Variants in HTR2C observed in about 807,000 individuals in gnomAD.
HTR2C encodes the protein 5-hydroxytryptamine (serotonin) receptor 2C, G protein-coupled.
Under a neutral mutation model 21.0 loss-of-function variants are expected in HTR2C, and 5 were observed. That is an observed-to-expected ratio of 0.24 (90% CI 0.12 to 0.50). The LOEUF is 0.50. HTR2C is among the 20% of genes least tolerant of loss of function. The probability of loss-of-function intolerance (pLI) is 0.98; values close to 1 mark genes in which losing one functional copy is unlikely to be tolerated. For synonymous variants in HTR2C, 150 were observed against 145.3 expected (o/e 1.03, Z -0.23); for missense variants, 271 against 371.2 (o/e 0.73, Z 2.22).
chrX:114,597,546 G>C (rs1927914699), intron 1 of HTR2C, among the ~76,000 whole-genome samples: 1 of 112,034 alleles, frequency 8.9e-6, no homozygotes, highest in South Asian at 3.7e-4. Flanking sequence ...AGGACAAGTA[G>C]GGTTTGAATT....
At chrX:114,822,427 A>G (rs782408341) in intron 4 of HTR2C, among the ~76,000 whole-genome samples, 1 of 112,210 alleles carries the variant, frequency 8.9e-6, no homozygotes, top group Non-Finnish European at 1.9e-5. Flanking sequence ...AGAAGTCCTC[A>G]TTATTATATT....
At chrX:114,748,215 G>A (rs1299250575) in intron 4 of HTR2C, among the ~76,000 whole-genome samples, 5 of 111,618 alleles carry the variant, frequency 4.5e-5, no homozygotes, top group African/African-American at 1.6e-4. Context: ...CAAATTATGT[G>A]CAGGAGCTGT....
At chrX:114,723,699 G>A (rs1387665448) in intron 2 of HTR2C, among the ~76,000 whole-genome samples, 11 of 110,814 alleles carry the variant, frequency 9.9e-5, no homozygotes, top group African/African-American at 3.3e-4. Context: ...GCGTCCCAGA[G>A]ATTCTGGTAT....
At chrX:114,745,184 A>G (rs2069690390) in intron 4 of HTR2C, among the ~76,000 whole-genome samples, 1 of 112,570 alleles carries the variant, frequency 8.9e-6, no homozygotes, top group African/African-American at 3.2e-5. Flanking sequence ...TTAAACAGGC[A>G]TATGAGAAGG....
intron 1 of HTR2C, among the ~76,000 whole-genome samples, chrX:114,588,116 G>A (rs138146992): frequency 2.8e-3 from 314 of 112,044 alleles, no homozygotes; most frequent in African/African-American, 9.7e-3. Context: ...AAATAGTTGC[G>A]TATTATAGCA....
At chrX:114,790,833 T>C (rs1194787249) in intron 4 of HTR2C, among the ~76,000 whole-genome samples, 2 of 111,859 alleles carry the variant, frequency 1.8e-5, no homozygotes, top group Non-Finnish European at 3.8e-5. Context: ...TTCTTCTTAT[T>C]CACAAGTTTT....
intron 2 of HTR2C, 142 bp downstream of exon 2, chrX:114,614,023 T>C (rs2147805763): frequency 9.0e-6 from 1 of 110,837 alleles, no homozygotes; most frequent in African/African-American, 3.3e-5. Context: ...CCTAACATGT[T>C]TGAAAAAGAA....
chrX:114,621,604 G>T (rs1393793359), intron 2 of HTR2C, among the ~76,000 whole-genome samples: 2 of 111,963 alleles, frequency 1.8e-5, no homozygotes, highest in Admixed American at 9.6e-5. Context: ...GGCTGGAGGG[G>T]AGGTAGAGTG....
At chrX:114,686,697 T>G (rs782118460) in intron 2 of HTR2C, among the ~76,000 whole-genome samples, 1 of 110,367 alleles carries the variant, frequency 9.1e-6, no homozygotes, top group Non-Finnish European at 1.9e-5. Context: ...TTTAAAAAAT[T>G]TTTTTAAATA....
At chrX:114,638,626 T>A (rs1182938016) in intron 2 of HTR2C, among the ~76,000 whole-genome samples, 1 of 104,344 alleles carries the variant, frequency 9.6e-6, no homozygotes, top group African/African-American at 3.5e-5. Flanking sequence ...CTGCACCCAC[T>A]AGCTCGTCAT....
intron 2 of HTR2C, among the ~76,000 whole-genome samples, chrX:114,723,762 T>C (rs1176554625): frequency 9.1e-6 from 1 of 110,053 alleles, no homozygotes; most frequent in Non-Finnish European, 1.9e-5. Context: ...TCTGCCTTCA[T>C]TTCCTTATGT....
chrX:114,637,718 G>C (rs782429794), intron 2 of HTR2C, among the ~76,000 whole-genome samples: 38 of 111,287 alleles, frequency 3.4e-4, no homozygotes, highest in Non-Finnish European at 4.3e-4. Context: ...CATTGTAAAG[G>C]ATCAGGTGCA....
At chrX:114,741,508 G>T (rs2069645365) in intron 4 of HTR2C, among the ~76,000 whole-genome samples, 1 of 31,592 alleles carries the variant, frequency 3.2e-5, no homozygotes, top group African/African-American at 9.8e-5. Flanking sequence ...GGGCGACAGA[G>T]CAAGACGACT....
intron 1 of HTR2C, among the ~76,000 whole-genome samples, chrX:114,590,556 C>T (rs1927587261): frequency 1.8e-5 from 2 of 111,091 alleles, no homozygotes. Flanking sequence ...GTATTGTATT[C>T]CAATGGTTAA....
intron 4 of HTR2C, among the ~76,000 whole-genome samples, chrX:114,736,681 T>G (rs1703385015): frequency 8.9e-6 from 1 of 111,962 alleles, no homozygotes; most frequent in Admixed American, 9.5e-5. Context: ...TGAATGTATA[T>G]TGAACTTTAC....
chrX:114,674,894 G>T (rs1348486179), intron 2 of HTR2C, among the ~76,000 whole-genome samples: 1 of 111,806 alleles, frequency 8.9e-6, no homozygotes, highest in African/African-American at 3.2e-5. Flanking sequence ...TATGGTCTAG[G>T]AAGTTGATGA....
chrX:114,646,634 G>T (rs1488197353), intron 2 of HTR2C, among the ~76,000 whole-genome samples: 3 of 111,550 alleles, frequency 2.7e-5, no homozygotes, highest in Non-Finnish European at 3.8e-5. Flanking sequence ...CACTCTGTGG[G>T]GTGTCTCTTC....
chrX:114,634,737 A>T (rs1415636194), intron 2 of HTR2C, among the ~76,000 whole-genome samples: 1 of 111,080 alleles, frequency 9.0e-6, no homozygotes, highest in Admixed American at 9.6e-5. Flanking sequence ...CTTGAGCCCG[A>T]TGAGGTAGAG....
intron 5 of HTR2C, among the ~76,000 whole-genome samples, chrX:114,865,595 G>A (rs1173082009): frequency 1.8e-5 from 2 of 111,042 alleles, no homozygotes; most frequent in African/African-American, 6.5e-5. Flanking sequence ...AGAGATCACC[G>A]TTTGTGGTTT....
Sources: allele counts gnomAD v4.1 joint callset (sites outside exome capture counted in the v4.1 genomes callset), GRCh38; gene constraint gnomAD v4.1.1; transcripts MANE v1.5; gene names NCBI Gene and HGNC (gene_info 2026-07-23, HGNC 2026-07-21).